The following CUBN variants were observed in gnomAD, a reference collection of about 807,000 sequenced individuals.
CUBN encodes the protein 460 kDa receptor.
Under a neutral mutation model 405.3 loss-of-function variants are expected in CUBN, and 282 were observed. That is an observed-to-expected ratio of 0.70 (90% CI 0.63 to 0.77). The LOEUF (loss-of-function observed/expected upper bound fraction) is 0.77, where lower values mean the gene tolerates loss of function less well. Among genes scored for constraint, CUBN ranks in the 30% least tolerant of loss-of-function variants. The probability of loss-of-function intolerance (pLI) is 0.00; values close to 1 mark genes in which losing one functional copy is unlikely to be tolerated. For synonymous variants in CUBN, 1,684 were observed against 1,617.0 expected (o/e 1.04, Z -0.99); for missense variants, 4,514 against 4,475.2 (o/e 1.01, Z -0.25).
intron 31 of CUBN, among the ~76,000 whole-genome samples, chr10:16,955,173 C>T (rs2131635135): frequency 6.7e-6 from 1 of 149,504 alleles, no homozygotes; most frequent in African/African-American, 2.5e-5. Flanking sequence ...GAGTTCAAGA[C>T]CAGCCTGGCC....
intron 17 of CUBN, 85 bp from the exon 18 acceptor site, chr10:17,072,056 G>T: frequency 6.6e-6 from 7 of 1,064,064 alleles, no homozygotes; most frequent in Non-Finnish European, 9.9e-6. Flanking sequence ...ATGAAAAAAT[G>T]GCAGATTCAA....
chr10:16,939,883 T>C, intron 37 of CUBN, 149 bp downstream of exon 37: 2 of 772,722 alleles, frequency 2.6e-6, no homozygotes, highest in Non-Finnish European at 4.4e-6. Context: ...TCAGTTTTTC[T>C]AATATGTTAT....
In CUBN at chr10:16,984,210, G is replaced by C. The variant is rs201251467; in HGVS notation, c.4420C>G (p.Pro1474Ala). The C allele has an allele frequency of 1.2e-6, 2 of 1,614,136 alleles. No homozygotes were observed. The highest frequency in any genetic ancestry group is 1.3e-5 in the African/African-American group (1 of 75,040). The change falls in exon 30 of 67, where the codon CCC (proline) becomes GCC (alanine). Residue 1474 changes from proline to alanine, a missense_variant. By Grantham distance (27) the Pro-to-Ala change is conservative. Coordinates refer to ENST00000377833, the MANE Select transcript of CUBN (RefSeq NM_001081.4). ...QLCTQRSPENPMQVSSTGNEL... is the reference protein window; with the variant it reads ...QLCTQRSPENAMQVSSTGNEL... ...TTTCCAGTGCTGGAGACCTGCATGG[G>C]GTTCTCAGGTGATCTCTGGGTACAC...
chr10:16,825,004 A>G lies in CUBN; in HGVS notation c.10843T>C (p.Ser3615Pro), dbSNP rs1427108601. Residue 3615 changes from serine to proline, a missense_variant, in exon 67 of 67, where the codon TCC becomes CCC. Physicochemically the swap from Ser to Pro is moderately conservative, Grantham distance 74 (BLOSUM62 -1). Coordinates refer to ENST00000377833, the MANE Select transcript of CUBN (RefSeq NM_001081.4). ...KFHADYARRP[S>P]AFRLTWDS ...CTGTCCCAAGTTAATCGGAATGCGG[A>G]TGGACGCCGTGCATAATCAGCATGA... is the stretch of plus-strand genomic sequence containing the variant. 1 of 1,613,874 alleles carries G rather than the reference A, an allele frequency of 6.2e-7. No individual in the cohort carries two copies. The highest frequency in any genetic ancestry group is 8.5e-7 in the Non-Finnish European group (1 of 1,179,912).
At chr10:17,030,812 G>A (rs373372876) in intron 27 of CUBN, among the ~76,000 whole-genome samples, 3 of 151,980 alleles carry the variant, frequency 2.0e-5, no homozygotes, top group African/African-American at 7.2e-5. Flanking sequence ...CCAGCTACTC[G>A]GGAGGCTGAG....
chr10:16,948,484 C>A lies in CUBN; in HGVS notation c.5203G>T (p.Val1735Leu), dbSNP rs1238429251. The change falls in exon 35 of 67, where the codon GTG (valine) becomes TTG (leucine). Residue 1735 changes from valine to leucine, a missense_variant. Around this residue, in one of 5 missense-constraint regions of CUBN, gnomAD observed 1,613 missense variants for 1,542.8 expected, o/e 1.05. Transcript: ENST00000377833. ...GGFHTTVTASVSACGGTFYMA... is the reference protein window; with the variant it reads ...GGFHTTVTASLSACGGTFYMA... ...AGGTGCTAGGGTTTCTTACCCGACACTGATGCGGTGACCGTGGTGTGGAAA... is the reference window on the plus strand; with the variant it reads ...AGGTGCTAGGGTTTCTTACCCGACAATGATGCGGTGACCGTGGTGTGGAAA... 3 of 1,613,996 alleles carry A rather than the reference C, an allele frequency of 1.9e-6. No individual in the cohort carries two copies.
chr10:16,901,914 TATATAC>T (rs1316163591), intron 51 of CUBN, among the ~76,000 whole-genome samples: 5 of 86,900 alleles, frequency 5.8e-5, no homozygotes, highest in South Asian at 7.8e-4. Flanking sequence ...TATATATATA[TATATAC>T]ACACACACAC....
rs996120255 is a variant in CUBN at position 16,932,920 on chromosome 10, T to G, written c.6124+167A>C. Among the ~76,000 whole-genome samples, 7 of 152,230 alleles carry G rather than the reference T, an allele frequency of 4.6e-5. 1 individual carries two copies. Among genetic ancestry groups the G allele is most frequent in the Admixed American group, 2.0e-4 (3 of 15,282 alleles). On this transcript the variant is annotated intron_variant, in intron 40 of 66. Transcript: ENST00000377833. ...GTGACCGGTAATTTAATACTTTCTATGTCCTTCAGAAGTTGTAGCCATTTC... is the reference window on the plus strand; with the variant it reads ...GTGACCGGTAATTTAATACTTTCTAGGTCCTTCAGAAGTTGTAGCCATTTC...
intron 16 of CUBN, 87 bp from the exon 17 acceptor site, chr10:17,084,548 A>ACC (rs1836059312): frequency 4.0e-6 from 3 of 758,174 alleles, no homozygotes; most frequent in Non-Finnish European, 4.3e-6. Flanking sequence ...AAATTTACCC[A>ACC]CACACACACA....
rs77466901 is a variant in CUBN at position 16,967,620 on chromosome 10, C to G, written c.4696-13072G>C. ...TTTGAAAAAGATCATCCTCAAGTAT[C>G]AGATGGAAACAAAAATTCCTGTGGT... On this transcript the variant is annotated intron_variant, in intron 31 of 66. Transcript: ENST00000377833. Among the ~76,000 whole-genome samples the G allele has an allele frequency of 9.9e-3, 1,497 of 151,660 alleles. 13 individuals carry two copies. The highest frequency in any genetic ancestry group is 0.024 in the Middle Eastern group (7 of 292).
intron 31 of CUBN, among the ~76,000 whole-genome samples, chr10:16,974,462 C>T (rs1356874078): frequency 6.6e-6 from 1 of 151,670 alleles, no homozygotes; most frequent in Non-Finnish European, 1.5e-5. Flanking sequence ...CTCACTCTGT[C>T]GCCCAGGCTG....
chr10:16,865,117 C>CATATATACAGGCATAT (rs1229320665), intron 59 of CUBN, among the ~76,000 whole-genome samples: 2 of 151,448 alleles, frequency 1.3e-5, no homozygotes, highest in Non-Finnish European at 1.5e-5. Context: ...TGTAAGCATG[C>CATATATACAGGCATAT]ACCACCATGC....
At position 17,088,140 on chromosome 10, in the gene CUBN, T is replaced by C. The variant is rs757323310; in HGVS notation, c.1947+24A>G. 4 of 1,576,296 alleles carry C rather than the reference T, an allele frequency of 2.5e-6. No homozygotes were observed. The Admixed American group carries it at 6.7e-5, about 26-fold the overall frequency. ...TGAGTCCTAATCATATTGTGATATG[T>C]TCTATCTAAATATAATTATTTACCT... is the stretch of plus-strand genomic sequence containing the variant. On this transcript the variant is annotated intron_variant, in intron 15 of 66. Coordinates refer to ENST00000377833, the MANE Select transcript of CUBN (RefSeq NM_001081.4).
intron 44 of CUBN, among the ~76,000 whole-genome samples, chr10:16,919,376 G>A (rs1258697457): frequency 6.6e-6 from 1 of 152,198 alleles, no homozygotes; most frequent in African/African-American, 2.4e-5. Flanking sequence ...CACCACAGCT[G>A]CATTCATGCA....
intron 16 of CUBN, among the ~76,000 whole-genome samples, chr10:17,085,166 C>T (rs552716747): frequency 8.5e-5 from 13 of 152,270 alleles, no homozygotes; most frequent in Non-Finnish European, 1.8e-4. Flanking sequence ...TAGTATTTGG[C>T]TGGAAGTGAA....
intron 54 of CUBN, among the ~76,000 whole-genome samples, chr10:16,892,099 C>G (rs1841043116): frequency 6.6e-6 from 1 of 152,190 alleles, no homozygotes; most frequent in Admixed American, 6.5e-5. Context: ...ATTGGGAAAT[C>G]AGTCCATAGC....
chr10:16,840,591 G>T lies in CUBN; in HGVS notation c.9827-56C>A, dbSNP rs1367301782. On this transcript the variant is annotated intron_variant, in intron 61 of 66. Transcript: ENST00000377833. ...ACATTTTATTCATGTCTCATCTCAG[G>T]CAATCTTTGCAATTCTGTCTTCCCT... 1.6e-4 allele frequency: 215 copies of T among 1,371,328 alleles called. 1 individual carries two copies. The highest frequency in any genetic ancestry group is 2.1e-4 in the Non-Finnish European group (208 of 983,156). 84.9% of individuals were successfully genotyped at this position (1,371,328 alleles called of 1,614,324 possible). A position where few individuals can be genotyped will look rare whatever the true frequency, so the allele number is the denominator to read the frequency against.
Position 16,907,497 on chromosome 10 carries a change from T to C in CUBN, c.7705+11A>G. 6.2e-7 allele frequency: 1 copy of C among 1,614,054 alleles called. No homozygotes were observed. Among genetic ancestry groups the C allele is most frequent in the African/African-American group, 1.3e-5 (1 of 75,030 alleles). ...ATTAAAATGGGGGGCATTTACAACA[T>C]CCTACATTACCTGCATCTTCACTGG... is the stretch of plus-strand genomic sequence containing the variant. On this transcript the variant is annotated intron_variant, in intron 49 of 66. Transcript: ENST00000377833.
chr10:16,868,582 T>A (rs1840253982), intron 59 of CUBN, among the ~76,000 whole-genome samples: 1 of 152,216 alleles, frequency 6.6e-6, no homozygotes, highest in African/African-American at 2.4e-5. Context: ...GTGTCACTGA[T>A]GCTGTTAGAA....
Sources: gnomAD v4.1 joint callset for allele counts (sites outside exome capture counted in the v4.1 genomes callset) on GRCh38, gnomAD v4.1.1 for gene constraint, gnomAD v4.1.1 regional missense constraint, MANE v1.5 for transcripts, NCBI Gene and HGNC (gene_info 2026-07-23, HGNC 2026-07-21) for gene names.